The following CCDC57 variants were observed in gnomAD, a reference collection of about 807,000 sequenced individuals.
CCDC57 encodes coiled-coil domain containing 57.
Under a neutral mutation model 118.9 loss-of-function variants are expected in CCDC57, and 118 were observed. The observed-to-expected ratio is 0.99, with a 90% CI of 0.86 to 1.16. The LOEUF (loss-of-function observed/expected upper bound fraction) is 1.16. CCDC57 is among the 50% of genes most tolerant of loss of function. The pLI is 0.00. For missense variants in CCDC57, 1,300 were observed against 1,320.7 expected (o/e 0.98, Z 0.24); for synonymous variants, 527 against 532.9 (o/e 0.99, Z 0.15).
At chr17:82,179,234 C>T (rs367915754) in intron 9 of CCDC57, 45 bp from the exon 9 acceptor site, 8 of 1,574,538 alleles carry the variant, frequency 5.1e-6, no homozygotes, top group African/African-American at 4.1e-5. Context: ...TCCTGAGGTC[C>T]CTTCCACAGG....
At chr17:82,151,817 C>A in intron 15 of CCDC57, 44 bp from the exon 15 acceptor site, 1 of 1,516,210 alleles carries the variant, frequency 6.6e-7, no homozygotes, top group Non-Finnish European at 8.9e-7. Context: ...AGGCTGCCCT[C>A]ATGGGAGGAC....
At chr17:82,140,383 A>G (rs8078072) in intron 16 of CCDC57, among the ~76,000 whole-genome samples, 70,508 of 151,350 alleles carry the variant, frequency 0.47, 17,106 homozygotes, top group East Asian at 0.88. Flanking sequence ...ACCACGCCTG[A>G]CCAATTTTTG....
chr17:82,113,521 C>T, intron 19 of CCDC57: 1 of 717,582 alleles, frequency 1.4e-6, no homozygotes, highest in Non-Finnish European at 2.6e-6. Context: ...ACCAGTGAGG[C>T]CCGCGCTGCA....
chr17:82,153,655 A>C (rs1278639691), intron 15 of CCDC57: 1 of 152,188 alleles, frequency 6.6e-6, no homozygotes, highest in East Asian at 1.9e-4. Flanking sequence ...TGATTCTCTA[A>C]AATCTTTCCA....
At chr17:82,155,660 A>G (rs1434747995) in intron 15 of CCDC57, 1 of 152,210 alleles carries the variant, frequency 6.6e-6, no homozygotes, top group Non-Finnish European at 1.5e-5. Context: ...ACCCAACATA[A>G]CGGACACATT....
chr17:82,131,873 T>C (rs181319236), intron 17 of CCDC57, among the ~76,000 whole-genome samples: 11 of 152,182 alleles, frequency 7.2e-5, no homozygotes, highest in African/African-American at 1.9e-4. Context: ...CCCAGCACTT[T>C]GGGAGGCTGA....
At chr17:82,184,029 GCGCACACACACACACA>G (rs1411340483) in intron 8 of CCDC57, 97 bp from the exon 8 acceptor site, 28 of 238,900 alleles carry the variant, frequency 1.2e-4, no homozygotes, top group Middle Eastern at 7.2e-4. Context: ...GCGCGCGCGC[GCGCACACACACACACA>G]CACACACACA....
In CCDC57 at chr17:82,186,438, G is replaced by A. The variant is rs369584059; in HGVS notation, c.1052+1781C>T. On this transcript the variant is annotated intron_variant, in intron 8 of 19. Coordinates refer to ENST00000665763, the Ensembl canonical transcript of CCDC57. ...AAGCACCTGCGGCCCCTCTCACCCC[G>A]TATACCGACCACAGAGGTCGCCCCG... Among the ~76,000 whole-genome samples the A allele has an allele frequency of 8.5e-5, 13 of 152,218 alleles. 1 individual carries two copies. Among genetic ancestry groups the A allele is most frequent in the Admixed American group, 2.6e-4 (4 of 15,266 alleles).
chr17:82,166,198 C>G (rs901485244), intron 13 of CCDC57, among the ~76,000 whole-genome samples: 1 of 151,946 alleles, frequency 6.6e-6, no homozygotes. Context: ...ACCAAGATGA[C>G]ACAGACATTG....
chr17:82,129,696 TATTG>T (rs990187847), intron 17 of CCDC57, among the ~76,000 whole-genome samples: 1 of 152,162 alleles, frequency 6.6e-6, no homozygotes, highest in African/African-American at 2.4e-5. Flanking sequence ...GTCTTTTTCT[TATTG>T]ATCTGTAGGA....
At chr17:82,124,761 AC>A (rs2037187740) in intron 19 of CCDC57, among the ~76,000 whole-genome samples, 1 of 151,906 alleles carries the variant, frequency 6.6e-6, no homozygotes, top group Non-Finnish European at 1.5e-5. Context: ...GCCGCACTGC[AC>A]TCCAGCCTCG....
intron 16 of CCDC57, chr17:82,145,974 G>T (rs1033595067): frequency 5.2e-5 from 16 of 306,920 alleles, no homozygotes; most frequent in Admixed American, 2.5e-4. Flanking sequence ...CATGAGACAG[G>T]CTCTATGCCT....
chr17:82,202,421 G>T (rs1280358492), intron 2 of CCDC57, among the ~76,000 whole-genome samples: 2 of 149,762 alleles, frequency 1.3e-5, no homozygotes, highest in Admixed American at 6.7e-5. Flanking sequence ...ACCAGCCTGG[G>T]TGACAGAGCA....
intron 16 of CCDC57, among the ~76,000 whole-genome samples, chr17:82,139,372 C>T (rs2039715218): frequency 2.0e-5 from 3 of 152,104 alleles, no homozygotes; most frequent in South Asian, 4.1e-4. Context: ...TTTTTTGAGA[C>T]GAAGTCTCAA....
chr17:82,131,019 C>G (rs2038280440), intron 17 of CCDC57, among the ~76,000 whole-genome samples: 1 of 145,964 alleles, frequency 6.9e-6, no homozygotes, highest in African/African-American at 2.5e-5. Flanking sequence ...TGCCATGTTG[C>G]CCAGGCTGGT....
chr17:82,112,140 A>G (rs1048756028), intron 19 of CCDC57: 1 of 151,048 alleles, frequency 6.6e-6, no homozygotes, highest in Admixed American at 6.6e-5. Flanking sequence ...CACCTGACTA[A>G]TTTTTGTATT....
intron 13 of CCDC57, among the ~76,000 whole-genome samples, chr17:82,163,581 C>T (rs1195787386): frequency 1.3e-5 from 2 of 152,124 alleles, no homozygotes; most frequent in African/African-American, 2.4e-5. Context: ...AGCAAGAATC[C>T]TTGTAGGAAA....
intron 9 of CCDC57, among the ~76,000 whole-genome samples, chr17:82,179,866 G>C (rs2045987486): frequency 6.6e-6 from 1 of 152,270 alleles, no homozygotes; most frequent in African/African-American, 2.4e-5. Context: ...CGAAAGAAGA[G>C]TCTACAAGGA....
At chr17:82,107,896 G>A (rs2034980072) in intron 19 of CCDC57, among the ~76,000 whole-genome samples, 1 of 152,184 alleles carries the variant, frequency 6.6e-6, no homozygotes, top group Non-Finnish European at 1.5e-5. Context: ...CTAAAGAAAG[G>A]GGGTGGGCTC....
Sources: allele counts gnomAD v4.1 joint callset (sites outside exome capture counted in the v4.1 genomes callset), GRCh38; gene constraint gnomAD v4.1.1; transcripts MANE v1.5; gene names NCBI Gene and HGNC (gene_info 2026-07-23, HGNC 2026-07-21).